GSDME: variants seen among roughly 807,000 people sequenced by gnomAD.
The protein encoded by GSDME is gasdermin E, also known as gasdermin-E.
A neutral mutation model predicts 47.5 loss-of-function variants in GSDME; 44 were observed. The ratio of observed to expected loss-of-function variants is 0.93; its 90% CI spans 0.73 to 1.19. GSDME has a LOEUF of 1.19. Ranked by LOEUF, GSDME falls within the 50% of genes most tolerant of loss-of-function variation. GSDME has a pLI of 0.00. For missense variants in GSDME, 663 were observed against 604.2 expected (o/e 1.10, Z -1.02); for synonymous variants, 258 against 252.8 (o/e 1.02, Z -0.20).
intron 2 of GSDME, among the ~76,000 whole-genome samples, chr7:24,749,054 G>A (rs1002297464): frequency 4.6e-5 from 7 of 152,032 alleles, no homozygotes; most frequent in Non-Finnish European, 7.4e-5. Flanking sequence ...ATACTATACC[G>A]CAAAATTATT....
At chr7:24,700,992 C>G (rs1358851716) in intron 9 of GSDME, among the ~76,000 whole-genome samples, 1 of 152,210 alleles carries the variant, frequency 6.6e-6, no homozygotes, top group African/African-American at 2.4e-5. Context: ...AGTTAACATT[C>G]TCTACTGATT....
the GSDME span, among the ~76,000 whole-genome samples, chr7:24,773,951 G>A: frequency 6.6e-6 from 1 of 152,202 alleles, no homozygotes; most frequent in Non-Finnish European, 1.5e-5. The surrounding 1 kb of genome is among the most constrained non-coding windows in gnomAD (Gnocchi z 5.4). Context: ...TTTACATAGA[G>A]GTGTGTCTCT....
intron 5 of GSDME, 38 bp from the exon 6 acceptor site, chr7:24,710,426 G>A (rs776595012): frequency 6.2e-7 from 1 of 1,611,356 alleles, no homozygotes; most frequent in East Asian, 2.2e-5. Flanking sequence ...AGGTAAAGTT[G>A]AGTCTAAGGT....
chr7:24,705,316 G>GA lies in GSDME; in HGVS notation c.1183+867dup, dbSNP rs1397507275. On this transcript the variant is annotated intron_variant, in intron 8 of 9. Transcript: ENST00000645220. This position sits in a 1 kb window ranked among gnomAD's most constrained non-coding sequence, Gnocchi z 4.1. Reference sequence around the variant, plus strand: ...CAAAACTATATTTATCCATGAGTTGGAACAAGACAGAGCATATATTTATCA... The same window carrying GA: ...CAAAACTATATTTATCCATGAGTTGGAAACAAGACAGAGCATATATTTATCA... 6.6e-6 allele frequency: 1 copy of GA among 152,210 alleles called. No homozygotes were observed. Among genetic ancestry groups the GA allele is most frequent in the Non-Finnish European group, 1.5e-5 (1 of 68,076 alleles). 9.4% of individuals were successfully genotyped at this position (152,210 alleles called of 1,614,324 possible). A position where few individuals can be genotyped will look rare whatever the true frequency, so the allele number is the denominator to read the frequency against.
rs1789557655 is a variant in GSDME at position 24,716,450 on chromosome 7, T to TA, written c.697+803dup. 6.6e-6 allele frequency: 1 copy of TA among 152,336 alleles called. No individual in the cohort carries two copies. Among genetic ancestry groups the TA allele is most frequent in the Admixed American group, 6.5e-5 (1 of 15,294 alleles). 9.4% of individuals were successfully genotyped at this position (152,336 alleles called of 1,614,324 possible). ...ATAACTATAATACCATTGTCACACC[T>TA]AAAAAACTTCACAATTTATTATGTT... On this transcript the variant is annotated intron_variant, in intron 5 of 9. Coordinates refer to ENST00000645220, the MANE Select transcript of GSDME (RefSeq NM_001127453.2). The surrounding 1 kb of genome is among the most constrained non-coding windows in gnomAD (Gnocchi z 4.5).
At position 24,714,843 on chromosome 7, in the gene GSDME, C is replaced by T. The variant is rs1014538794; in HGVS notation, c.697+2411G>A. On this transcript the variant is annotated intron_variant, in intron 5 of 9. Transcript: ENST00000645220. This position sits in a 1 kb window ranked among gnomAD's most constrained non-coding sequence, Gnocchi z 5.0. ...TAGAGTGGCAGCCCAGGCCTGGGTC[C>T]CCGCCACCGAAGGGTCCGCAGAGCA... Among the ~76,000 whole-genome samples, 1 of 152,154 alleles carries T rather than the reference C, an allele frequency of 6.6e-6. No homozygotes were observed. Among genetic ancestry groups the T allele is most frequent in the Admixed American group, 6.5e-5 (1 of 15,274 alleles).
the GSDME span, among the ~76,000 whole-genome samples, chr7:24,763,288 A>AT: frequency 6.6e-6 from 1 of 151,840 alleles, no homozygotes; most frequent in African/African-American, 2.4e-5. This position sits in a 1 kb window ranked among gnomAD's most constrained non-coding sequence, Gnocchi z 4.3. Flanking sequence ...TCAGCATACA[A>AT]TTTTTTTCTT....
In GSDME at chr7:24,754,776, T is replaced by C. The variant is rs1790964384; in HGVS notation, c.-20+2620A>G. Among the ~76,000 whole-genome samples, 2 of 152,236 alleles carry C rather than the reference T, an allele frequency of 1.3e-5. No homozygotes were observed. Among genetic ancestry groups the C allele is most frequent in the South Asian group, 4.1e-4 (2 of 4,832 alleles). On this transcript the variant is annotated intron_variant, in intron 1 of 9. Coordinates refer to ENST00000645220, the MANE Select transcript of GSDME (RefSeq NM_001127453.2). The surrounding 1 kb of genome is among the most constrained non-coding windows in gnomAD (Gnocchi z 5.0). Reference sequence around the variant, plus strand: ...TATATTCACTACTGCCTGTTAAGACTGATTCAGTCATGGAGTTATCTAGTT... The same window carrying C: ...TATATTCACTACTGCCTGTTAAGACCGATTCAGTCATGGAGTTATCTAGTT...
At position 24,728,964 on chromosome 7, in the gene GSDME, A is replaced by T. The variant is rs1228173139; in HGVS notation, c.405-9746T>A. Among the ~76,000 whole-genome samples the T allele has an allele frequency of 2.0e-5, 3 of 152,350 alleles. No homozygotes were observed. Among genetic ancestry groups the T allele is most frequent in the African/African-American group, 7.2e-5 (3 of 41,586 alleles). On this transcript the variant is annotated intron_variant, in intron 3 of 9. Transcript: ENST00000645220. This position sits in a 1 kb window ranked among gnomAD's most constrained non-coding sequence, Gnocchi z 7.2. ...AATTGGGGCAGAATGCTCACTGCAC[A>T]TTGTTGCCAAAGTGACCAAGTCACC...
the GSDME span, among the ~76,000 whole-genome samples, chr7:24,794,294 T>C: frequency 0.18 from 17,310 of 98,146 alleles, 1,242 homozygotes; most frequent in East Asian, 0.42. Flanking sequence ...TCTCTCTCTT[T>C]CTCTCCTCTC....
At chr7:24,776,822 TA>T in the GSDME span, among the ~76,000 whole-genome samples, 2 of 152,114 alleles carry the variant, frequency 1.3e-5, no homozygotes, top group Non-Finnish European at 2.9e-5. Flanking sequence ...TTTCATTTCT[TA>T]AAAGACTGGA....
At chr7:24,794,075 G>A in the GSDME span, among the ~76,000 whole-genome samples, 1 of 152,122 alleles carries the variant, frequency 6.6e-6, no homozygotes, top group Admixed American at 6.5e-5. Context: ...TCAATTATAG[G>A]TTCTAAATTT....
intron 5 of GSDME, among the ~76,000 whole-genome samples, chr7:24,713,560 G>A (rs182744601): frequency 1.3e-3 from 197 of 152,350 alleles, no homozygotes; most frequent in African/African-American, 3.8e-3. Flanking sequence ...CAGCAGGCCT[G>A]GGGGTGGGAG....
At chr7:24,752,495 G>C (rs1280200044) in intron 1 of GSDME, among the ~76,000 whole-genome samples, 1 of 152,242 alleles carries the variant, frequency 6.6e-6, no homozygotes, top group African/African-American at 2.4e-5. Flanking sequence ...TCTGGACTAT[G>C]TCAGTGGCAT....
At chr7:24,701,470 GGTTAGATAACA>G (rs1312460178) in intron 9 of GSDME, among the ~76,000 whole-genome samples, 16 of 151,772 alleles carry the variant, frequency 1.1e-4, no homozygotes, top group South Asian at 2.1e-4. Context: ...TCACAGAAGG[GGTTAGATAACA>G]GTTAGATAAC....
At chr7:24,786,676 G>A in the GSDME span, among the ~76,000 whole-genome samples, 2 of 152,218 alleles carry the variant, frequency 1.3e-5, no homozygotes, top group Admixed American at 6.5e-5. The surrounding 1 kb of genome is among the most constrained non-coding windows in gnomAD (Gnocchi z 5.5). Flanking sequence ...TTAAAATTTA[G>A]TCTAAATGGG....
In GSDME at chr7:24,725,158, C is replaced by T. The variant is rs1789924310; in HGVS notation, c.405-5940G>A. Reference sequence around the variant, plus strand: ...CCTTATAATAATGCAAACAGACTAACTCAATCTCCTCCTAGCTGAGCTACT... The same window carrying T: ...CCTTATAATAATGCAAACAGACTAATTCAATCTCCTCCTAGCTGAGCTACT... On this transcript the variant is annotated intron_variant, in intron 3 of 9. Transcript: ENST00000645220. This position sits in a 1 kb window ranked among gnomAD's most constrained non-coding sequence, Gnocchi z 5.1. 6.6e-6 allele frequency among the ~76,000 whole-genome samples: 1 copy of T among 152,222 alleles called. No individual in the cohort carries two copies. The highest frequency in any genetic ancestry group is 2.1e-4 in the South Asian group (1 of 4,826).
the GSDME span, among the ~76,000 whole-genome samples, chr7:24,782,218 C>G: frequency 8.8e-6 from 1 of 114,086 alleles, no homozygotes; most frequent in South Asian, 3.1e-4. Flanking sequence ...CCTCCCCCCT[C>G]CCCCCACCCC....
intron 3 of GSDME, among the ~76,000 whole-genome samples, chr7:24,720,682 G>A (rs1156251097): frequency 2.6e-5 from 4 of 152,220 alleles, no homozygotes; most frequent in Non-Finnish European, 5.9e-5. Flanking sequence ...TTGGGAGGCC[G>A]AGGCAGGTGG....
Sources: gnomAD v4.1 joint callset for allele counts (sites outside exome capture counted in the v4.1 genomes callset) on GRCh38, gnomAD v4.1.1 for gene constraint, Gnocchi (gnomAD v3.1) non-coding constraint, MANE v1.5 for transcripts, NCBI Gene and HGNC (gene_info 2026-07-23, HGNC 2026-07-21) for gene names.